PIK3R1: variants seen among roughly 807,000 people sequenced by gnomAD.
The protein encoded by PIK3R1 is phosphatidylinositol 3-kinase regulatory subunit alpha.
In PIK3R1, 29 loss-of-function variants were observed where a neutral mutation model predicts 98.0. The ratio of observed to expected loss-of-function variants is 0.30; its 90% CI spans 0.22 to 0.40. The LOEUF (loss-of-function observed/expected upper bound fraction) is 0.40, where lower values mean the gene tolerates loss of function less well. Among genes scored for constraint, PIK3R1 ranks in the 10% least tolerant of loss-of-function variants. The pLI is 1.00. For synonymous variants in PIK3R1, 282 were observed against 311.8 expected (o/e 0.90, Z 1.01); for missense variants, 596 against 872.7 (o/e 0.68, Z 3.99).
intron 2 of PIK3R1, among the ~76,000 whole-genome samples, chr5:68,259,607 A>T (rs531077523): frequency 6.6e-6 from 1 of 152,364 alleles, no homozygotes; most frequent in East Asian, 1.9e-4. Flanking sequence ...ATCCCATAGA[A>T]TATCTTAGAC....
At chr5:68,222,630 A>G (rs1744130184) in intron 1 of PIK3R1, among the ~76,000 whole-genome samples, 1 of 152,130 alleles carries the variant, frequency 6.6e-6, no homozygotes, top group Non-Finnish European at 1.5e-5. Flanking sequence ...CATGGCTGAG[A>G]TGCTGGGTTT....
At chr5:68,235,872 A>ATTT (rs56930555) in intron 2 of PIK3R1, among the ~76,000 whole-genome samples, 1 of 146,640 alleles carries the variant, frequency 6.8e-6, no homozygotes. Context: ...TCTGCCAGGC[A>ATTT]TTTTTTTTTT....
rs974775603 is a variant in PIK3R1, at chr5:68,300,647, C to G, written c.*3046C>G. The G allele has an allele frequency of 8.6e-6, 2 of 233,140 alleles. No individual in the cohort carries two copies. Among genetic ancestry groups the G allele is most frequent in the African/African-American group, 4.4e-5 (2 of 45,342 alleles). 14.4% of individuals were successfully genotyped at this position (233,140 alleles called of 1,614,324 possible). A position where few individuals can be genotyped will look rare whatever the true frequency, so the allele number is the denominator to read the frequency against. ...ATGTATATATGTATATGTGCATGGA[C>G]TGTGTTTCCAGTACACCTTTCAGCC... On this transcript the variant is annotated 3_prime_UTR_variant, in exon 16 of 16. Coordinates refer to ENST00000521381, the MANE Select transcript of PIK3R1 (RefSeq NM_181523.3).
chr5:68,280,784 G>T (rs1252913672), intron 6 of PIK3R1, 55 bp downstream of exon 6: 2 of 1,466,616 alleles, frequency 1.4e-6, no homozygotes. Flanking sequence ...GTCCTAAATG[G>T]ATTGGTCATG....
Position 68,280,705 on chromosome 5 carries a change from T to C in PIK3R1, c.812T>C (p.Met271Thr). 6.2e-7 allele frequency: 1 copy of C among 1,614,118 alleles called. No homozygotes were observed. The highest frequency in any genetic ancestry group is 8.5e-7 in the Non-Finnish European group (1 of 1,179,986). The change falls in exon 6 of 16, where the codon ATG becomes ACG. Residue 271 changes from methionine (M) to threonine (T), a missense_variant. Around this residue, in one of 3 missense-constraint regions of PIK3R1, gnomAD observed 352 missense variants for 393.3 expected, o/e 0.90. Transcript: ENST00000521381. ...ARVLSEIFSP[M>T]LFRFSAASSD... is the part of the protein sequence containing the mutation. ...GTACTCTCTGAAATTTTCAGCCCTA[T>C]GCTTTTCAGATTCTCAGCAGCCAGG...
chr5:68,298,917 G>A lies in PIK3R1; in HGVS notation c.*1316G>A, dbSNP rs2112302953. The A allele has an allele frequency of 4.3e-6, 1 of 233,360 alleles. No individual in the cohort carries two copies. The highest frequency in any genetic ancestry group is 6.1e-5 in the East Asian group (1 of 16,524). The allele number at this position is 233,360 out of a possible 1,614,324, so 14.5% of individuals were successfully genotyped here. ...GTATCAAGTGGGGTGGTGGGAGGGGGAGGCAAGGTTATATGCACTTTCTCA... is the reference window on the plus strand; with the variant it reads ...GTATCAAGTGGGGTGGTGGGAGGGGAAGGCAAGGTTATATGCACTTTCTCA... On this transcript the variant is annotated 3_prime_UTR_variant, in exon 16 of 16. Transcript: ENST00000521381.
At position 68,280,588 on chromosome 5, in the gene PIK3R1, T is replaced by C; in HGVS notation, c.695T>C (p.Ile232Thr). ...LLKKLIRSPS[I>T]PHQYWLTLQY... ...AAGAAGCTTATTAGGTCGCCTAGCA[T>C]ACCTCATCAGTATTGGCTTACGCTT... The change falls in exon 6 of 16, where the codon ATA becomes ACA. Residue 232 changes from isoleucine (I) to threonine (T), a missense_variant. Ile to Thr is a moderately conservative substitution (Grantham distance 89). Transcript: ENST00000521381. 1 of 1,613,330 alleles carries C rather than the reference T, an allele frequency of 6.2e-7. No individual in the cohort carries two copies. Among genetic ancestry groups the C allele is most frequent in the Non-Finnish European group, 8.5e-7 (1 of 1,179,362 alleles).
intron 1 of PIK3R1, chr5:68,217,890 A>G (rs1237138193): frequency 2.6e-5 from 4 of 152,192 alleles, no homozygotes; most frequent in Admixed American, 2.0e-4. Context: ...ACTGGCTTGC[A>G]AAGTGTAATG....
At chr5:68,233,729 A>G (rs1307081313) in intron 2 of PIK3R1, among the ~76,000 whole-genome samples, 2 of 152,252 alleles carry the variant, frequency 1.3e-5, no homozygotes, top group African/African-American at 4.8e-5. Context: ...AATGGATAAC[A>G]TAGTGTATAC....
chr5:68,245,047 T>C (rs1035251260), intron 2 of PIK3R1, among the ~76,000 whole-genome samples: 2 of 152,214 alleles, frequency 1.3e-5, no homozygotes, highest in Admixed American at 1.3e-4. Flanking sequence ...TTTGGGTTGA[T>C]TCTCTGAGAC....
At chr5:68,278,806 G>A (rs1746688181) in intron 4 of PIK3R1, among the ~76,000 whole-genome samples, 1 of 152,070 alleles carries the variant, frequency 6.6e-6, no homozygotes, top group South Asian at 2.1e-4. Flanking sequence ...CAGGCGTGGT[G>A]GTACACACCT....
chr5:68,300,429 T>A lies in PIK3R1; in HGVS notation c.*2828T>A. The stretch of plus-strand genomic sequence containing the variant: ...AGGCACTCCTGATATATGATTTTTA[T>A]CCATGCGTCAGTTTTTCCCACCCAG... On this transcript the variant is annotated 3_prime_UTR_variant, in exon 16 of 16. Transcript: ENST00000521381. 2 of 233,142 alleles carry A rather than the reference T, an allele frequency of 8.6e-6. No homozygotes were observed. Among genetic ancestry groups the A allele is most frequent in the Non-Finnish European group, 1.7e-5 (2 of 117,970 alleles). 14.4% of individuals were successfully genotyped at this position (233,142 alleles called of 1,614,324 possible).
intron 2 of PIK3R1, among the ~76,000 whole-genome samples, chr5:68,245,281 T>C (rs1745039352): frequency 6.6e-6 from 1 of 152,220 alleles, no homozygotes; most frequent in Non-Finnish European, 1.5e-5. Flanking sequence ...GTAGTACGTC[T>C]TGGAAAGTTT....
chr5:68,272,220 T>C (rs1746391085), intron 2 of PIK3R1, among the ~76,000 whole-genome samples: 1 of 135,092 alleles, frequency 7.4e-6, no homozygotes, highest in African/African-American at 2.9e-5. Context: ...GCCACTACAC[T>C]CCAGCCTGGG....
intron 2 of PIK3R1, among the ~76,000 whole-genome samples, chr5:68,259,164 A>T (rs1287005108): frequency 1.3e-5 from 2 of 152,168 alleles, no homozygotes; most frequent in African/African-American, 4.8e-5. Context: ...ATAAATTGAG[A>T]TGTGTTATGA....
chr5:68,282,549 A>G (rs747998693), intron 7 of PIK3R1, among the ~76,000 whole-genome samples: 28 of 152,204 alleles, frequency 1.8e-4, no homozygotes, highest in Non-Finnish European at 3.5e-4. Flanking sequence ...TCTACTACAC[A>G]AGGTATAGCA....
intron 1 of PIK3R1, among the ~76,000 whole-genome samples, chr5:68,221,463 C>T (rs1447480595): frequency 6.6e-6 from 1 of 152,202 alleles, no homozygotes; most frequent in African/African-American, 2.4e-5. Flanking sequence ...TCCATACCCT[C>T]CTGCCTTGGT....
In PIK3R1 at chr5:68,293,288, A is replaced by G. The variant is rs772512979; in HGVS notation, c.1119-15A>G. The G allele has an allele frequency of 7.5e-6, 12 of 1,603,738 alleles. No homozygotes were observed. Among genetic ancestry groups the G allele is most frequent in the Non-Finnish European group, 9.4e-6 (11 of 1,172,222 alleles). ...CCAAAATGTTAATACCTTTATTTTT[A>G]TATTGTTTTTACAGGAAAGGGGGAA... On this transcript the variant is annotated splice_polypyrimidine_tract_variant and intron_variant, in intron 9 of 15. Coordinates refer to ENST00000521381, the MANE Select transcript of PIK3R1 (RefSeq NM_181523.3).
chr5:68,279,893 T>A (rs1374195066), intron 5 of PIK3R1, among the ~76,000 whole-genome samples, 160 bp downstream of exon 5: 1 of 152,194 alleles, frequency 6.6e-6, no homozygotes, highest in Non-Finnish European at 1.5e-5. Flanking sequence ...CACCCAAGCA[T>A]CCAAGAGAAG....
Sources: allele counts gnomAD v4.1 joint callset (sites outside exome capture counted in the v4.1 genomes callset), GRCh38; gene constraint gnomAD v4.1.1; regional missense constraint gnomAD v4.1.1; transcripts MANE v1.5; gene names NCBI Gene and HGNC (gene_info 2026-07-23, HGNC 2026-07-21).